GSDME: variants seen among roughly 807,000 people sequenced by gnomAD.
GSDME encodes the protein gasdermin E, also known as gasdermin-E.
In GSDME, 44 loss-of-function variants were observed where a neutral mutation model predicts 47.5. That is an observed-to-expected ratio of 0.93 (90% CI 0.73 to 1.19). The LOEUF is 1.19. GSDME is among the 50% of genes most tolerant of loss of function. The pLI is 0.00. For synonymous variants in GSDME, 258 were observed against 252.8 expected (o/e 1.02, Z -0.20); for missense variants, 663 against 604.2 (o/e 1.10, Z -1.02).
In GSDME at chr7:24,721,477, C is replaced by A. The variant is rs746461889; in HGVS notation, c.405-2259G>T. ...GCTCTGCCCTCCCACTGGGCAAGCT[C>A]GAGTGAAGGGCCACCTCTGCACCTA... On this transcript the variant is annotated intron_variant, in intron 3 of 9. Coordinates refer to ENST00000645220, the MANE Select transcript of GSDME (RefSeq NM_001127453.2). The surrounding 1 kb of genome is among the most constrained non-coding windows in gnomAD (Gnocchi z 4.1). Among the ~76,000 whole-genome samples the A allele has an allele frequency of 1.2e-4, 19 of 152,202 alleles. No homozygotes were observed. The highest frequency in any genetic ancestry group is 2.4e-4 in the Non-Finnish European group (16 of 68,030).
chr7:24,768,837 A>G, the GSDME span, among the ~76,000 whole-genome samples: 1 of 152,238 alleles, frequency 6.6e-6, no homozygotes, highest in Non-Finnish European at 1.5e-5. The surrounding 1 kb of genome is among the most constrained non-coding windows in gnomAD (Gnocchi z 5.6). Flanking sequence ...ATATTGTGTT[A>G]TTCTATCATA....
rs541117592 is a variant in GSDME at position 24,756,403 on chromosome 7, T to C, written c.-20+993A>G. ...TAGCCAAGGGACCGTGGCTAGGGGGTTGGGCCCTTTCTCTCTCAGATCTAC... is the reference window on the plus strand; with the variant it reads ...TAGCCAAGGGACCGTGGCTAGGGGGCTGGGCCCTTTCTCTCTCAGATCTAC... On this transcript the variant is annotated intron_variant, in intron 1 of 9. Coordinates refer to ENST00000645220, the MANE Select transcript of GSDME (RefSeq NM_001127453.2). The surrounding 1 kb of genome is among the most constrained non-coding windows in gnomAD (Gnocchi z 4.2). Among the ~76,000 whole-genome samples, 1 of 151,920 alleles carries C rather than the reference T, an allele frequency of 6.6e-6. No individual in the cohort carries two copies. The highest frequency in any genetic ancestry group is 2.1e-4 in the South Asian group (1 of 4,784).
chr7:24,698,678 G>T lies in GSDME; in HGVS notation c.*348C>A, dbSNP rs1200155502. 1.1e-5 allele frequency: 4 copies of T among 354,684 alleles called. No individual in the cohort carries two copies. Among genetic ancestry groups the T allele is most frequent in the South Asian group, 4.9e-5 (2 of 40,504 alleles). 22.0% of individuals were successfully genotyped at this position (354,684 alleles called of 1,614,324 possible). On this transcript the variant is annotated 3_prime_UTR_variant, in exon 10 of 10. Coordinates refer to ENST00000645220, the MANE Select transcript of GSDME (RefSeq NM_001127453.2). ...AAAGACCTTTTGGATTAAAGGGTCAGACTCTTTCTATGTAACAAAAAGTGG... is the reference window on the plus strand; with the variant it reads ...AAAGACCTTTTGGATTAAAGGGTCATACTCTTTCTATGTAACAAAAAGTGG...
chr7:24,701,661 T>TGGCACGTATTGTTTCCATAACCAGA (rs1300924174), intron 9 of GSDME, among the ~76,000 whole-genome samples: 2 of 152,226 alleles, frequency 1.3e-5, no homozygotes, highest in East Asian at 3.8e-4. Context: ...ATTAGAATAA[T>TGGCACGTATTGTTTCCATAACCAGA]GGCACGTATT....
intron 3 of GSDME, among the ~76,000 whole-genome samples, chr7:24,738,622 A>G (rs1790386193): frequency 6.6e-6 from 1 of 151,794 alleles, no homozygotes; most frequent in South Asian, 2.1e-4. Flanking sequence ...AGCAATAGAA[A>G]AAAAACTACC....
intron 8 of GSDME, chr7:24,704,167 A>G (rs1286815881): frequency 6.6e-6 from 1 of 152,236 alleles, no homozygotes; most frequent in Non-Finnish European, 1.5e-5. Flanking sequence ...ATATTTACCT[A>G]GCACTGCCTA....
chr7:24,710,140 T>G, intron 6 of GSDME, 84 bp downstream of exon 6: 1 of 1,448,962 alleles, frequency 6.9e-7, no homozygotes, highest in Admixed American at 1.7e-5. Flanking sequence ...GAGGGGTCAC[T>G]GATGCTGAAG....
intron 9 of GSDME, among the ~76,000 whole-genome samples, chr7:24,700,048 A>G (rs1044387312): frequency 3.3e-5 from 5 of 152,100 alleles, no homozygotes; most frequent in Non-Finnish European, 7.3e-5. Flanking sequence ...TGCCACATTG[A>G]GGGCCTTTCC....
chr7:24,727,769 C>A (rs780503091), intron 3 of GSDME, among the ~76,000 whole-genome samples: 4 of 152,230 alleles, frequency 2.6e-5, no homozygotes, highest in Non-Finnish European at 5.9e-5. Flanking sequence ...CCCTAAAATC[C>A]TGGAACACAC....
In GSDME at chr7:24,710,202, ACTC is replaced by A. The variant is rs1005580071; in HGVS notation, c.862+19_862+21del. Reference sequence around the variant, plus strand: ...CTCAGTTGGCCCTCAACTGCCCACTACTCCTGCCCTGCTGGCAATACCTTGCTT... The same window carrying A: ...CTCAGTTGGCCCTCAACTGCCCACTACTGCCCTGCTGGCAATACCTTGCTT... On this transcript the variant is annotated intron_variant, in intron 6 of 9. Transcript: ENST00000645220. The A allele has an allele frequency of 1.2e-6, 2 of 1,611,814 alleles. No individual in the cohort carries two copies. Among genetic ancestry groups the A allele is most frequent in the Admixed American group, 3.3e-5 (2 of 59,948 alleles).
At chr7:24,747,093 C>T (rs948352378) in intron 2 of GSDME, among the ~76,000 whole-genome samples, 1 of 152,202 alleles carries the variant, frequency 6.6e-6, no homozygotes, top group Non-Finnish European at 1.5e-5. Context: ...TTTCAGGACA[C>T]CACAAAAGAG....
At position 24,726,437 on chromosome 7, in the gene GSDME, A is replaced by C. The variant is rs145382918; in HGVS notation, c.405-7219T>G. Among the ~76,000 whole-genome samples the C allele has an allele frequency of 3.3e-4, 51 of 152,276 alleles. No homozygotes were observed. The highest frequency in any genetic ancestry group is 1.2e-3 in the African/African-American group (49 of 41,566). On this transcript the variant is annotated intron_variant, in intron 3 of 9. Coordinates refer to ENST00000645220, the MANE Select transcript of GSDME (RefSeq NM_001127453.2). This position sits in a 1 kb window ranked among gnomAD's most constrained non-coding sequence, Gnocchi z 5.6. ...TCTCCACAAATACCTGAGTTCTGCTATGCTCCAGGCACCAGGCCAGATGCA... is the reference window on the plus strand; with the variant it reads ...TCTCCACAAATACCTGAGTTCTGCTCTGCTCCAGGCACCAGGCCAGATGCA...
In GSDME at chr7:24,733,388, G is replaced by A. The variant is rs1432113644; in HGVS notation, c.404+11174C>T. 6.6e-6 allele frequency among the ~76,000 whole-genome samples: 1 copy of A among 152,166 alleles called. No homozygotes were observed. On this transcript the variant is annotated intron_variant, in intron 3 of 9. Transcript: ENST00000645220. This position sits in a 1 kb window ranked among gnomAD's most constrained non-coding sequence, Gnocchi z 4.3. ...CTGGCTATGAGGAGAGATTCCTTCTGCTTGAGAAAAGCAGAGAGAAAAGAG... is the reference window on the plus strand; with the variant it reads ...CTGGCTATGAGGAGAGATTCCTTCTACTTGAGAAAAGCAGAGAGAAAAGAG...
chr7:24,698,489 G>C lies in GSDME; in HGVS notation c.*537C>G. Reference sequence around the variant, plus strand: ...CATATAGCTAGGGTCCCAAGCAGGGGTGTGTTACTGTTAGATTTTTTTGAA... The same window carrying C: ...CATATAGCTAGGGTCCCAAGCAGGGCTGTGTTACTGTTAGATTTTTTTGAA... On this transcript the variant is annotated 3_prime_UTR_variant, in exon 10 of 10. Coordinates refer to ENST00000645220, the MANE Select transcript of GSDME (RefSeq NM_001127453.2). The C allele has an allele frequency of 5.4e-6, 1 of 186,054 alleles. No homozygotes were observed. Among genetic ancestry groups the C allele is most frequent in the Non-Finnish European group, 1.1e-5 (1 of 89,090 alleles). 11.5% of individuals were successfully genotyped at this position (186,054 alleles called of 1,614,324 possible). A position where few individuals can be genotyped will look rare whatever the true frequency, so the allele number is the denominator to read the frequency against.
chr7:24,788,493 T>A, the GSDME span, among the ~76,000 whole-genome samples: 1 of 152,190 alleles, frequency 6.6e-6, no homozygotes, highest in Non-Finnish European at 1.5e-5. This position sits in a 1 kb window ranked among gnomAD's most constrained non-coding sequence, Gnocchi z 4.6. Context: ...AAGTAGTCCC[T>A]TCATTTAAGT....
rs145568285 is a variant in GSDME at position 24,730,778 on chromosome 7, G to A, written c.405-11560C>T. Among the ~76,000 whole-genome samples, 1,129 of 152,220 alleles carry A rather than the reference G, an allele frequency of 7.4e-3. 9 individuals carry two copies. Among genetic ancestry groups the A allele is most frequent in the Non-Finnish European group, 9.8e-3 (669 of 68,012 alleles). ...TGCAGTGAGCTGAGATCGCACCACTGCACTCCAGCCTGGGCAACAGCAGAG... is the reference window on the plus strand; with the variant it reads ...TGCAGTGAGCTGAGATCGCACCACTACACTCCAGCCTGGGCAACAGCAGAG... On this transcript the variant is annotated intron_variant, in intron 3 of 9. Coordinates refer to ENST00000645220, the MANE Select transcript of GSDME (RefSeq NM_001127453.2).
Position 24,739,043 on chromosome 7 carries a change from G to A in GSDME, c.404+5519C>T, listed in dbSNP as rs115944155. On this transcript the variant is annotated intron_variant, in intron 3 of 9. Coordinates refer to ENST00000645220, the MANE Select transcript of GSDME (RefSeq NM_001127453.2). This position sits in a 1 kb window ranked among gnomAD's most constrained non-coding sequence, Gnocchi z 5.1. ...CTATGAAACTACTATAAGAAAACAC[G>A]AGGGAAACTCTCTAGGACATTGAAC... 6.9e-4 allele frequency among the ~76,000 whole-genome samples: 105 copies of A among 152,144 alleles called. No individual in the cohort carries two copies. The highest frequency in any genetic ancestry group is 2.5e-3 in the African/African-American group (103 of 41,530).
At position 24,756,794 on chromosome 7, in the gene GSDME, C is replaced by T. The variant is rs1791031962; in HGVS notation, c.-20+602G>A. Among the ~76,000 whole-genome samples the T allele has an allele frequency of 6.6e-6, 1 of 152,198 alleles. No individual in the cohort carries two copies. ...AGACCAAAGGAAGCCACGCGGGCAG[C>T]TCTTGAGAGCCATTCCAGCGCATGC... On this transcript the variant is annotated intron_variant, in intron 1 of 9. Coordinates refer to ENST00000645220, the MANE Select transcript of GSDME (RefSeq NM_001127453.2). This position sits in a 1 kb window ranked among gnomAD's most constrained non-coding sequence, Gnocchi z 4.2.
At chr7:24,749,497 CAAAAA>C (rs66692319) in intron 2 of GSDME, 62 bp downstream of exon 2, 592 of 1,098,294 alleles carry the variant, frequency 5.4e-4, no homozygotes, top group Non-Finnish European at 6.6e-4. Flanking sequence ...GACTCTGTGT[CAAAAA>C]AAAAAAAAAA....
Sources: allele counts gnomAD v4.1 joint callset (sites outside exome capture counted in the v4.1 genomes callset), GRCh38; gene constraint gnomAD v4.1.1; non-coding constraint Gnocchi (gnomAD v3.1); transcripts MANE v1.5; gene names NCBI Gene and HGNC (gene_info 2026-07-23, HGNC 2026-07-21).